GCNT2: variants seen among roughly 807,000 people sequenced by gnomAD.
GCNT2 encodes glucosaminyl (N-acetyl) transferase 2 (I blood group).
In GCNT2, 34 loss-of-function variants were observed where a neutral mutation model predicts 34.2. The observed-to-expected ratio is 1.00, with a 90% CI of 0.76 to 1.32. GCNT2 has a LOEUF of 1.32. Among genes scored for constraint, GCNT2 ranks in the 40% most tolerant of loss-of-function variants. The pLI, the probability that GCNT2 is intolerant of heterozygous loss-of-function variation, is 0.00. For synonymous variants in GCNT2, 212 were observed against 188.0 expected, an observed-to-expected ratio of 1.13 and a Z score of -1.04; for missense variants, 584 against 489.4, an observed-to-expected ratio of 1.19 and a Z score of -1.82.
chr6:10,541,402 C>T (rs968084323), intron 3 of GCNT2, among the ~76,000 whole-genome samples: 2 of 152,126 alleles, frequency 1.3e-5, no homozygotes, highest in Non-Finnish European at 2.9e-5. Flanking sequence ...TTTTCTTTAT[C>T]CAGTCTATCA....
chr6:10,594,283 A>G (rs182976506), intron 3 of GCNT2, among the ~76,000 whole-genome samples: 2 of 152,324 alleles, frequency 1.3e-5, no homozygotes, highest in African/African-American at 4.8e-5. Flanking sequence ...ACATGTATAG[A>G]TTTGCAGCAA....
intron 1 of GCNT2, 86 bp downstream of exon 1, chr6:10,521,503 C>G (rs898617564): frequency 1.3e-5 from 2 of 152,512 alleles, no homozygotes; most frequent in Non-Finnish European, 2.9e-5. Flanking sequence ...TGTTAAATCG[C>G]TGACAGCAGT....
chr6:10,585,985 A>AC lies in GCNT2; in HGVS notation c.926-35366_926-35365insC, dbSNP rs748611237. On this transcript the variant is annotated intron_variant, in intron 3 of 4. Transcript: ENST00000495262. ...AGAGATTGTTTCCCCAGGGAAGTGA[A>AC]AATAATGAACTTTTGGAGGTACTGC... 1.9e-5 allele frequency: 30 copies of AC among 1,613,964 alleles called. No homozygotes were observed. The East Asian group carries it at 6.5e-4, about 35-fold the overall frequency.
rs535813867 is a variant in GCNT2, at chr6:10,524,936, T to C, written c.-468-2538T>C. On this transcript the variant is annotated intron_variant, in intron 1 of 4. Transcript: ENST00000495262. ...ATCCAAGCTGTTCTTCCTCTGAGAC[T>C]GCATCAGGCTTTCACAGACACTGAG... Among the ~76,000 whole-genome samples, 41 of 152,076 alleles carry C rather than the reference T, an allele frequency of 2.7e-4. No individual in the cohort carries two copies. In the Middle Eastern group the frequency reaches 0.01, roughly 38 times the overall value.
intron 1 of GCNT2, among the ~76,000 whole-genome samples, chr6:10,526,251 A>G (rs1328560179): frequency 6.6e-6 from 1 of 152,196 alleles, no homozygotes; most frequent in African/African-American, 2.4e-5. Context: ...CCCTATAGGC[A>G]CAACTGGGTG....
chr6:10,573,162 G>A (rs967947321), intron 3 of GCNT2: 1 of 912,380 alleles, frequency 1.1e-6, no homozygotes, highest in Admixed American at 9.6e-5. Flanking sequence ...GGATGTTCTA[G>A]ATATGGATCT....
chr6:10,568,642 GACATCTCA>G (rs1372093410), intron 3 of GCNT2, among the ~76,000 whole-genome samples: 1 of 152,136 alleles, frequency 6.6e-6, no homozygotes, highest in African/African-American at 2.4e-5. Flanking sequence ...ATTCAGTATA[GACATCTCA>G]ACATGGCAGG....
At chr6:10,535,775 G>A (rs1012440079) in intron 3 of GCNT2, among the ~76,000 whole-genome samples, 1 of 152,154 alleles carries the variant, frequency 6.6e-6, no homozygotes, top group African/African-American at 2.4e-5. Flanking sequence ...GGCGGTGGGA[G>A]GAAGGAGTGC....
At chr6:10,538,675 T>C (rs1193545805) in intron 3 of GCNT2, among the ~76,000 whole-genome samples, 1 of 151,830 alleles carries the variant, frequency 6.6e-6, no homozygotes, top group Non-Finnish European at 1.5e-5. Flanking sequence ...TTTCCCCAGA[T>C]CAGAAATTGC....
rs1028094371 is a variant in GCNT2 at position 10,581,988 on chromosome 6, GTA to G, written c.926-39356_926-39355del. ...TATATATATATACACACACTTATATGTATATATAAATATATTTATGTGTATAT... is the reference window on the plus strand; with the variant it reads ...TATATATATATACACACACTTATATGTATATAAATATATTTATGTGTATAT... On this transcript the variant is annotated intron_variant, in intron 3 of 4. Coordinates refer to ENST00000495262, the MANE Select transcript of GCNT2 (RefSeq NM_145649.5). 7 of 269,474 alleles carry G rather than the reference GTA, an allele frequency of 2.6e-5. No homozygotes were observed. In the South Asian group the frequency reaches 5.6e-4, roughly 22 times the overall value. The allele number at this position is 269,474 out of a possible 1,614,324, so 16.7% of individuals were successfully genotyped here.
intron 3 of GCNT2, among the ~76,000 whole-genome samples, chr6:10,620,268 A>C (rs1289478656): frequency 6.6e-6 from 1 of 152,250 alleles, no homozygotes; most frequent in Non-Finnish European, 1.5e-5. Context: ...ATTTGGGTAC[A>C]GATAGCATTT....
intron 3 of GCNT2, among the ~76,000 whole-genome samples, chr6:10,561,225 C>G (rs1018755571): frequency 6.6e-6 from 1 of 152,164 alleles, no homozygotes; most frequent in Non-Finnish European, 1.5e-5. Flanking sequence ...TGCAATGGCA[C>G]GATCTTGGCT....
intron 3 of GCNT2, among the ~76,000 whole-genome samples, chr6:10,588,983 T>C (rs563784608): frequency 6.1e-4 from 88 of 143,796 alleles, no homozygotes; most frequent in African/African-American, 2.2e-3. Context: ...ATGTATGGTG[T>C]GGTTGTGTGG....
chr6:10,565,206 C>T (rs915375800), intron 3 of GCNT2, among the ~76,000 whole-genome samples: 1 of 152,216 alleles, frequency 6.6e-6, no homozygotes, highest in Non-Finnish European at 1.5e-5. Flanking sequence ...GAGCATGAGG[C>T]AGGCAGTGCA....
intron 3 of GCNT2, among the ~76,000 whole-genome samples, chr6:10,530,915 G>A (rs552393819): frequency 9.2e-5 from 14 of 151,708 alleles, no homozygotes; most frequent in Admixed American, 3.3e-4. Flanking sequence ...TTAGCCAGGC[G>A]TGGTGGCGCA....
intron 3 of GCNT2, among the ~76,000 whole-genome samples, chr6:10,563,773 AAAAAATATAT>A (rs1399858092): frequency 0.013 from 516 of 41,114 alleles, 1 homozygote; most frequent in African/African-American, 0.036. Context: ...AAAAAAAAAA[AAAAAATATAT>A]ATATATATAT....
intron 3 of GCNT2, among the ~76,000 whole-genome samples, chr6:10,552,573 A>T (rs774427536): frequency 6.6e-6 from 1 of 152,038 alleles, no homozygotes; most frequent in African/African-American, 2.4e-5. Context: ...ATTCGGTATT[A>T]TAAGTAATTT....
At chr6:10,626,283 A>G (rs1766250073) in intron 4 of GCNT2, 134 bp from the exon 5 acceptor site, 1 of 731,800 alleles carries the variant, frequency 1.4e-6, no homozygotes, top group Middle Eastern at 3.4e-4. Context: ...AGACTGCACA[A>G]TCATATTTCA....
At chr6:10,542,893 C>CTTTTTTTTTTT (rs869251646) in intron 3 of GCNT2, among the ~76,000 whole-genome samples, 84 of 82,226 alleles carry the variant, frequency 1.0e-3, no homozygotes, top group Non-Finnish European at 1.3e-3. Context: ...TATGTTAATT[C>CTTTTTTTTTTT]TTTTTTTTTT....
Sources: gnomAD v4.1 joint callset for allele counts (sites outside exome capture counted in the v4.1 genomes callset) on GRCh38, gnomAD v4.1.1 for gene constraint, MANE v1.5 for transcripts, NCBI Gene and HGNC (gene_info 2026-07-23, HGNC 2026-07-21) for gene names.